The following PIRT variants were observed in gnomAD, a reference collection of about 807,000 sequenced individuals.
PIRT encodes the protein phosphoinositide-interacting protein.
In PIRT, 6 loss-of-function variants were observed where a neutral mutation model predicts 7.9. The ratio of observed to expected loss-of-function variants is 0.76; its 90% confidence interval spans 0.42 to 1.51. The LOEUF is 1.51. Ranked by LOEUF, PIRT falls within the 40% of genes most tolerant of loss-of-function variation. The pLI, the probability that PIRT is intolerant of heterozygous loss-of-function variation, is 0.01. For synonymous variants in PIRT, 78 were observed against 71.8 expected (o/e 1.09, Z -0.44); for missense variants, 170 against 172.9 (o/e 0.98, Z 0.09).
chr17:10,825,334 C>A lies in PIRT; in HGVS notation c.312G>T (p.Leu104=). The A allele has an allele frequency of 3.7e-6, 6 of 1,613,968 alleles. No homozygotes were observed. The highest frequency in any genetic ancestry group is 5.1e-6 in the Non-Finnish European group (6 of 1,179,890). Residue 104 remains leucine, a synonymous_variant, in exon 2 of 2, where the codon CTG becomes CTT. Coordinates refer to ENST00000580256, the MANE Select transcript of PIRT (RefSeq NM_001101387.2). ...PGFLSLGLMM[L]VCGLVWVPII... is the part of the protein sequence containing the mutation. ...TGGGCACCCACACCAGCCCGCACACCAGCATCATGAGTCCCAGGGACAGGA... is the reference window on the plus strand; with the variant it reads ...TGGGCACCCACACCAGCCCGCACACAAGCATCATGAGTCCCAGGGACAGGA...
rs189228220 is a variant in PIRT, at chr17:10,835,697, A to G, written c.-139+2248T>C. On this transcript the variant is annotated intron_variant, in intron 1 of 1. Coordinates refer to ENST00000580256, the MANE Select transcript of PIRT (RefSeq NM_001101387.2). ...CCCCGAGCTGGGGCCAGCAAGCAGC[A>G]AGAGGCCAGCAAGGGGCCTGTGGCA... Among the ~76,000 whole-genome samples the G allele has an allele frequency of 1.1e-4, 17 of 152,364 alleles. 1 individual carries two copies. The highest frequency in any genetic ancestry group is 2.6e-4 in the Admixed American group (4 of 15,310).
rs1403157447 is a variant in PIRT at position 10,827,226 on chromosome 17, A to AT, written c.-138-1444_-138-1443insA. On this transcript the variant is annotated intron_variant, in intron 1 of 1. Transcript: ENST00000580256. ...CAGGCCTGGAAAGGTATGGAGTCTCACTCAATTGCCCACCCCAGGGTCTAA... is the reference window on the plus strand; with the variant it reads ...CAGGCCTGGAAAGGTATGGAGTCTCATCTCAATTGCCCACCCCAGGGTCTAA... 4.6e-5 allele frequency among the ~76,000 whole-genome samples: 7 copies of AT among 152,144 alleles called. No homozygotes were observed. In the Middle Eastern group the frequency reaches 0.014, roughly 296 times the overall value.
Position 10,827,206 on chromosome 17 carries a change from C to T in PIRT, c.-138-1423G>A, listed in dbSNP as rs140497056. Among the ~76,000 whole-genome samples, 178 of 152,206 alleles carry T rather than the reference C, an allele frequency of 1.2e-3. 4 individuals are homozygous for T. In the East Asian group the frequency reaches 0.016, roughly 14 times the overall value. ...AATTTCCAGCTTCCTATTCTCAGGC[C>T]TGGAAAGGTATGGAGTCTCACTCAA... is the stretch of plus-strand genomic sequence containing the variant. On this transcript the variant is annotated intron_variant, in intron 1 of 1. Transcript: ENST00000580256.
intron 1 of PIRT, among the ~76,000 whole-genome samples, chr17:10,837,041 G>A (rs1905607811): frequency 6.6e-6 from 1 of 152,146 alleles, no homozygotes; most frequent in Non-Finnish European, 1.5e-5. Context: ...AAGTGTCTGG[G>A]CTAATAGAAG....
chr17:10,830,642 T>A (rs370111498), intron 1 of PIRT, among the ~76,000 whole-genome samples: 1 of 152,104 alleles, frequency 6.6e-6, no homozygotes, highest in East Asian at 1.9e-4. Context: ...AATGAAGGAG[T>A]TTTCTTAGCT....
chr17:10,828,207 G>C (rs918655315), intron 1 of PIRT, among the ~76,000 whole-genome samples: 1 of 152,190 alleles, frequency 6.6e-6, no homozygotes, highest in African/African-American at 2.4e-5. Flanking sequence ...CTCTGGGACA[G>C]AGCCCACAGG....
At chr17:10,827,452 TTCTTTTTCTTTTC>T (rs1905351567) in intron 1 of PIRT, among the ~76,000 whole-genome samples, 1 of 146,378 alleles carries the variant, frequency 6.8e-6, no homozygotes, top group Non-Finnish European at 1.5e-5. Context: ...TTTCTTTTCT[TTCTTTTTCTTTTC>T]TTTTTTTTTT....
At chr17:10,827,348 A>T (rs2151533738) in intron 1 of PIRT, among the ~76,000 whole-genome samples, 1 of 152,244 alleles carries the variant, frequency 6.6e-6, no homozygotes, top group Non-Finnish European at 1.5e-5. Flanking sequence ...GAGCAATTTC[A>T]GGGCTGGGCT....
chr17:10,824,878 G>T lies in PIRT; in HGVS notation c.*354C>A, dbSNP rs1408625506. 1.2e-5 allele frequency: 3 copies of T among 251,248 alleles called. No homozygotes were observed. The highest frequency in any genetic ancestry group is 2.3e-5 in the Non-Finnish European group (3 of 130,408). 15.6% of individuals were successfully genotyped at this position (251,248 alleles called of 1,614,324 possible). On this transcript the variant is annotated 3_prime_UTR_variant, in exon 2 of 2. Coordinates refer to ENST00000580256, the MANE Select transcript of PIRT (RefSeq NM_001101387.2). ...TGGCACTCAGATATGTAAACATGAG[G>T]TTCTCCCTTGGGCATAGCCCACCTT...
intron 1 of PIRT, among the ~76,000 whole-genome samples, chr17:10,834,791 C>T (rs530270812): frequency 1.7e-4 from 26 of 151,908 alleles, no homozygotes; most frequent in African/African-American, 2.4e-4. Context: ...GGGGCTTCAC[C>T]GTGTTAGCCA....
Position 10,823,155 on chromosome 17 carries a change from A to C in PIRT, c.*2077T>G, listed in dbSNP as rs1189053107. Reference sequence around the variant, plus strand: ...AATATTATAGGGCCATCAAATCTGCATTCATCTCAGAAGAAGGGAAATGAT... The same window carrying C: ...AATATTATAGGGCCATCAAATCTGCCTTCATCTCAGAAGAAGGGAAATGAT... On this transcript the variant is annotated 3_prime_UTR_variant, in exon 2 of 2. Coordinates refer to ENST00000580256, the MANE Select transcript of PIRT (RefSeq NM_001101387.2). The C allele has an allele frequency of 1.3e-5, 2 of 152,208 alleles. No individual in the cohort carries two copies. The highest frequency in any genetic ancestry group is 4.8e-5 in the African/African-American group (2 of 41,454). 9.4% of individuals were successfully genotyped at this position (152,208 alleles called of 1,614,324 possible).
intron 1 of PIRT, among the ~76,000 whole-genome samples, chr17:10,825,993 C>T (rs182497609): frequency 3.3e-5 from 5 of 151,824 alleles, no homozygotes; most frequent in African/African-American, 1.2e-4. Flanking sequence ...GATGGAGTCT[C>T]CCTTTGTCAC....
chr17:10,833,201 C>T (rs939177199), intron 1 of PIRT, among the ~76,000 whole-genome samples: 1 of 152,140 alleles, frequency 6.6e-6, no homozygotes, highest in African/African-American at 2.4e-5. Context: ...TCCCACTTGA[C>T]GTCATCAACA....
intron 1 of PIRT, among the ~76,000 whole-genome samples, chr17:10,828,068 CT>C (rs757229323): frequency 6.8e-4 from 104 of 152,344 alleles, no homozygotes; most frequent in Admixed American, 2.2e-3. Flanking sequence ...TTCCCTTCCT[CT>C]TCCTTCCACT....
At chr17:10,835,723 C>T (rs986564817) in intron 1 of PIRT, among the ~76,000 whole-genome samples, 3 of 152,232 alleles carry the variant, frequency 2.0e-5, no homozygotes, top group African/African-American at 7.2e-5. Flanking sequence ...GCCTGTGGCA[C>T]AGTGGCCTTA....
chr17:10,837,805 C>T (rs550674470), intron 1 of PIRT, 140 bp downstream of exon 1: 1 of 152,414 alleles, frequency 6.6e-6, no homozygotes, highest in South Asian at 2.1e-4. Context: ...AGGGCATAGC[C>T]CCCTTTTCTC....
intron 1 of PIRT, among the ~76,000 whole-genome samples, chr17:10,835,518 G>A (rs942317651): frequency 2.6e-5 from 4 of 152,206 alleles, no homozygotes; most frequent in Admixed American, 1.3e-4. Context: ...AGTCTATTCC[G>A]CCCCTCCTTG....
At position 10,825,311 on chromosome 17, in the gene PIRT, G is replaced by T; in HGVS notation, c.335C>A (p.Pro112His). The T allele has an allele frequency of 1.2e-6, 2 of 1,613,878 alleles. No homozygotes were observed. The highest frequency in any genetic ancestry group is 8.5e-7 in the Non-Finnish European group (1 of 1,179,868). Reference sequence around the variant, plus strand: ...GTGCTTCTGTTTCTTTTTGATGATGGGCACCCACACCAGCCCGCACACCAG... The same window carrying T: ...GTGCTTCTGTTTCTTTTTGATGATGTGCACCCACACCAGCCCGCACACCAG... ...MMLVCGLVWV[P>H]IIKKKQKHRQ... The change falls in exon 2 of 2, where the codon CCC (proline) becomes CAC (histidine). Residue 112 changes from proline to histidine, a missense_variant. Transcript: ENST00000580256.
chr17:10,828,095 A>G (rs1194320069), intron 1 of PIRT, among the ~76,000 whole-genome samples: 4 of 152,108 alleles, frequency 2.6e-5, no homozygotes, highest in Non-Finnish European at 4.4e-5. Context: ...CTAAGGACAA[A>G]CACAGGACCT....
Sources: gnomAD v4.1 joint callset for allele counts (sites outside exome capture counted in the v4.1 genomes callset) on GRCh38, gnomAD v4.1.1 for gene constraint, MANE v1.5 for transcripts, NCBI Gene and HGNC (gene_info 2026-07-23, HGNC 2026-07-21) for gene names.